The following CSMD1 variants were observed in gnomAD, a reference collection of about 807,000 sequenced individuals.
CSMD1 encodes the protein CUB and Sushi multiple domains 1, also known as CUB and sushi domain-containing protein 1.
A neutral mutation model predicts 417.5 loss-of-function variants in CSMD1; 213 were observed. The observed-to-expected ratio is 0.51, with a 90% confidence interval of 0.46 to 0.57. The LOEUF is 0.57. Among genes scored for constraint, CSMD1 ranks in the 20% least tolerant of loss-of-function variants. The pLI, the probability that CSMD1 is intolerant of heterozygous loss-of-function variation, is 0.00. For synonymous variants in CSMD1, 2,862 were observed against 1,736.8 expected (o/e 1.65, Z -16.11); for missense variants, 6,923 against 4,529.7 (o/e 1.53, Z -15.17).
At chr8:3,295,837 A>C (rs1170155346) in intron 25 of CSMD1, among the ~76,000 whole-genome samples, 2 of 152,162 alleles carry the variant, frequency 1.3e-5, no homozygotes, top group Admixed American at 6.5e-5. Flanking sequence ...GTTGATCATC[A>C]TTTTGCATCT....
intron 1 of CSMD1, among the ~76,000 whole-genome samples, chr8:4,735,615 T>C (rs1412926776): frequency 6.6e-6 from 1 of 152,162 alleles, no homozygotes; most frequent in African/African-American, 2.4e-5. Context: ...ATAATACTAC[T>C]AGCAATGATG....
chr8:3,305,711 T>C (rs1162969574), intron 25 of CSMD1, among the ~76,000 whole-genome samples: 2 of 152,170 alleles, frequency 1.3e-5, no homozygotes, highest in African/African-American at 4.8e-5. Context: ...AGACACAGTC[T>C]CACTGTTGCC....
intron 5 of CSMD1, among the ~76,000 whole-genome samples, chr8:3,909,800 T>C (rs1026425604): frequency 3.9e-5 from 6 of 152,172 alleles, no homozygotes; most frequent in African/African-American, 1.4e-4. Flanking sequence ...TTAATAATTC[T>C]CATCACAATT....
chr8:3,972,575 A>T (rs572515260), intron 5 of CSMD1, among the ~76,000 whole-genome samples: 13 of 152,282 alleles, frequency 8.5e-5, no homozygotes, highest in Non-Finnish European at 1.9e-4. Flanking sequence ...CTCTTATGCT[A>T]TTCATCTTTA....
intron 25 of CSMD1, among the ~76,000 whole-genome samples, chr8:3,291,847 G>C (rs1224179219): frequency 6.6e-6 from 1 of 151,968 alleles, no homozygotes; most frequent in East Asian, 1.9e-4. Flanking sequence ...TCCGATCTTA[G>C]TTATTTCTTG....
intron 3 of CSMD1, among the ~76,000 whole-genome samples, chr8:4,194,674 G>T (rs1039402333): frequency 4.6e-5 from 7 of 152,064 alleles, no homozygotes; most frequent in African/African-American, 1.7e-4. Flanking sequence ...ATAAAATGGG[G>T]AAAAGGATCA....
intron 5 of CSMD1, among the ~76,000 whole-genome samples, chr8:3,916,903 C>A (rs1013162586): frequency 7.9e-6 from 1 of 125,896 alleles, no homozygotes; most frequent in African/African-American, 2.6e-5. Flanking sequence ...CAGAATGAGA[C>A]ATATTAAAAA....
chr8:4,281,689 A>G (rs1796793579), intron 3 of CSMD1, among the ~76,000 whole-genome samples: 1 of 152,228 alleles, frequency 6.6e-6, no homozygotes, highest in African/African-American at 2.4e-5. Flanking sequence ...ATGTGATAAC[A>G]TATACATACA....
intron 3 of CSMD1, among the ~76,000 whole-genome samples, chr8:4,175,969 T>A (rs1238332478): frequency 6.6e-6 from 1 of 152,164 alleles, no homozygotes; most frequent in Non-Finnish European, 1.5e-5. Flanking sequence ...CAGCTGGGCT[T>A]CTCTCATTGT....
Position 4,319,709 on chromosome 8 carries a change from T to C in CSMD1, c.415+100244A>G, listed in dbSNP as rs10091666. On this transcript the variant is annotated intron_variant, in intron 3 of 69. Transcript: ENST00000635120. ...CAATCCAAGCAGAATTTGGCAGTTC[T>C]TGGATTAGAGGAAAAAGAACTGAGA... is the stretch of plus-strand genomic sequence containing the variant. Among the ~76,000 whole-genome samples, 396 of 151,900 alleles carry C rather than the reference T, an allele frequency of 2.6e-3. 1 individual carries two copies. Among genetic ancestry groups the C allele is most frequent in the African/African-American group, 9.1e-3 (375 of 41,436 alleles).
At chr8:3,429,480 C>G (rs904342234) in intron 12 of CSMD1, among the ~76,000 whole-genome samples, 1 of 152,130 alleles carries the variant, frequency 6.6e-6, no homozygotes, top group African/African-American at 2.4e-5. Flanking sequence ...GTTCACTGAC[C>G]TTCATTCTTA....
At chr8:4,222,965 T>G (rs574875617) in intron 3 of CSMD1, among the ~76,000 whole-genome samples, 73 of 152,234 alleles carry the variant, frequency 4.8e-4, no homozygotes, top group African/African-American at 1.8e-3. Context: ...AAAAATAATT[T>G]GGGCTTTGAG....
At chr8:4,764,213 A>G (rs895981482) in intron 1 of CSMD1, among the ~76,000 whole-genome samples, 7 of 152,204 alleles carry the variant, frequency 4.6e-5, no homozygotes, top group African/African-American at 1.7e-4. Context: ...TCAGAGGTAG[A>G]TAATAAAAGT....
rs1415801564 is a variant in CSMD1 at position 3,225,363 on chromosome 8, G to A, written c.4346-1496C>T. Among the ~76,000 whole-genome samples the A allele has an allele frequency of 2.7e-5, 4 of 150,202 alleles. No individual in the cohort carries two copies. In the East Asian group the frequency reaches 5.9e-4, roughly 22 times the overall value. ...ATATGATATAATTTTTACAGAAAAA[G>A]ATTAAAACTTGATTTTCCCCAGTAT... is the stretch of plus-strand genomic sequence containing the variant. On this transcript the variant is annotated intron_variant, in intron 27 of 69. Coordinates refer to ENST00000635120, the MANE Select transcript of CSMD1 (RefSeq NM_033225.6).
intron 2 of CSMD1, among the ~76,000 whole-genome samples, chr8:4,497,099 C>T (rs1040127396): frequency 6.6e-6 from 1 of 152,176 alleles, no homozygotes; most frequent in Non-Finnish European, 1.5e-5. Context: ...GACATTTCAG[C>T]AGCAGTGACA....
rs76935341 is a variant in CSMD1 at position 4,369,967 on chromosome 8, C to A, written c.415+49986G>T. Among the ~76,000 whole-genome samples, 1,216 of 152,092 alleles carry A rather than the reference C, an allele frequency of 8.0e-3. 9 individuals are homozygous for A. Among genetic ancestry groups the A allele is most frequent in the East Asian group, 0.038 (197 of 5,154 alleles). ...TTTACATTCTGGGTCAATACTGACA[C>A]GTGAGAATTGTATCTATCATCTTGC... On this transcript the variant is annotated intron_variant, in intron 3 of 69. Coordinates refer to ENST00000635120, the MANE Select transcript of CSMD1 (RefSeq NM_033225.6).
intron 3 of CSMD1, among the ~76,000 whole-genome samples, chr8:4,187,549 T>C (rs1798756182): frequency 2.6e-5 from 4 of 151,412 alleles, no homozygotes; most frequent in Non-Finnish European, 4.4e-5. Context: ...GAGACTCAGG[T>C]AGGAGAATCG....
chr8:3,542,980 C>T (rs1585334255), intron 10 of CSMD1, among the ~76,000 whole-genome samples: 1 of 152,146 alleles, frequency 6.6e-6, no homozygotes, highest in Non-Finnish European at 1.5e-5. Flanking sequence ...CCTCTTCCTC[C>T]CTGCTGCCCA....
intron 2 of CSMD1, among the ~76,000 whole-genome samples, chr8:4,576,743 A>G (rs1405365550): frequency 6.6e-6 from 1 of 152,190 alleles, no homozygotes; most frequent in Non-Finnish European, 1.5e-5. Flanking sequence ...TTTCAGAAAT[A>G]TATGTTAATA....
Sources: gnomAD v4.1 joint callset for allele counts (sites outside exome capture counted in the v4.1 genomes callset) on GRCh38, gnomAD v4.1.1 for gene constraint, MANE v1.5 for transcripts, NCBI Gene and HGNC (gene_info 2026-07-23, HGNC 2026-07-21) for gene names.